TRPM3: variants seen among roughly 807,000 people sequenced by gnomAD.
TRPM3 encodes the protein long transient receptor potential channel 3.
In TRPM3, 77 loss-of-function variants were observed where a neutral mutation model predicts 181.2. That is an observed-to-expected ratio of 0.42 (90% CI 0.35 to 0.51). The LOEUF (loss-of-function observed/expected upper bound fraction) is 0.51. Ranked by LOEUF, TRPM3 falls within the 20% of genes least tolerant of loss-of-function variation. The probability of loss-of-function intolerance (pLI) is 0.01; values close to 1 mark genes in which losing one functional copy is unlikely to be tolerated. For missense variants in TRPM3, 1,759 were observed against 2,196.7 expected (o/e 0.80, Z 3.98); for synonymous variants, 745 against 796.4 (o/e 0.94, Z 1.09).
chr9:70,935,174 T>C (rs1458619797), intron 1 of TRPM3, among the ~76,000 whole-genome samples: 2 of 152,172 alleles, frequency 1.3e-5, no homozygotes, highest in Non-Finnish European at 2.9e-5. Context: ...CCCACTTCTC[T>C]GGGCAGTTGT....
rs921081940 is a variant in TRPM3, at chr9:71,197,813, C to T, written c.183+248840G>A. ...TAGGTTGCAAAAATTTTCTCCCATT[C>T]TTTAGGTTGCCTGTTCACTCTGATG... On this transcript the variant is annotated intron_variant, in intron 1 of 24. Coordinates refer to the TRPM3 transcript ENST00000357533. Among the ~76,000 whole-genome samples, 38 of 131,094 alleles carry T rather than the reference C, an allele frequency of 2.9e-4. 4 individuals are homozygous for T. The highest frequency in any genetic ancestry group is 9.9e-4 in the African/African-American group (37 of 37,486). The allele number at this position is 131,094 out of a possible 152,430, so 86.0% of individuals were successfully genotyped here.
Position 70,598,761 on chromosome 9 carries a change from A to G in TRPM3, c.2797-91T>C, listed in dbSNP as rs552676026. 5.8e-5 allele frequency: 86 copies of G among 1,484,276 alleles called. No individual in the cohort carries two copies. In the African/African-American group the frequency reaches 1.1e-3, roughly 18 times the overall value. The allele number at this position is 1,484,276 out of a possible 1,614,324, so 91.9% of individuals were successfully genotyped here. On this transcript the variant is annotated intron_variant, in intron 20 of 25. Coordinates refer to ENST00000677713, the MANE Select transcript of TRPM3 (RefSeq NM_001366145.2). The stretch of plus-strand genomic sequence containing the variant: ...AGTGCTTGGTCTGTTGGCTGATGTT[A>G]GTAGCTTGCTTTGTCTACCTATATC...
intron 1 of TRPM3, among the ~76,000 whole-genome samples, chr9:71,110,760 T>G (rs2070893904): frequency 6.6e-6 from 1 of 152,218 alleles, no homozygotes; most frequent in African/African-American, 2.4e-5. Context: ...TTCCATTTTT[T>G]GTCCGTTTGA....
At chr9:71,353,053 G>C (rs190204535) in intron 1 of TRPM3, among the ~76,000 whole-genome samples, 72 of 152,140 alleles carry the variant, frequency 4.7e-4, no homozygotes, top group Middle Eastern at 3.4e-3. Context: ...CAGCCAGATT[G>C]GCACCAGCCC....
At chr9:70,699,437 G>A (rs1200902829) in intron 8 of TRPM3, among the ~76,000 whole-genome samples, 1 of 152,148 alleles carries the variant, frequency 6.6e-6, no homozygotes, top group African/African-American at 2.4e-5. Flanking sequence ...TGTGCAAATA[G>A]TCAATTTGCT....
chr9:71,363,076 G>A (rs547665980), intron 1 of TRPM3, among the ~76,000 whole-genome samples: 25 of 152,266 alleles, frequency 1.6e-4, no homozygotes, highest in South Asian at 4.1e-4. Flanking sequence ...AATTGCATTC[G>A]TTTTACTGTC....
intron 1 of TRPM3, among the ~76,000 whole-genome samples, chr9:71,047,013 G>A (rs546112674): frequency 7.2e-5 from 11 of 152,250 alleles, no homozygotes; most frequent in South Asian, 2.1e-4. Flanking sequence ...CTAAGAACTT[G>A]ACCATTGAAA....
intron 1 of TRPM3, among the ~76,000 whole-genome samples, chr9:71,116,216 G>A (rs1367544884): frequency 6.6e-6 from 1 of 152,036 alleles, no homozygotes; most frequent in East Asian, 1.9e-4. Flanking sequence ...AGACATAATA[G>A]GTGTGCATTT....
At chr9:71,428,353 C>A (rs2093904109) in intron 1 of TRPM3, among the ~76,000 whole-genome samples, 1 of 151,702 alleles carries the variant, frequency 6.6e-6, no homozygotes, top group Admixed American at 6.6e-5. Context: ...TCCTCAGCCT[C>A]CGAAAGTTCT....
chr9:71,426,553 C>T (rs891444654), intron 1 of TRPM3, among the ~76,000 whole-genome samples: 67 of 152,036 alleles, frequency 4.4e-4, no homozygotes, highest in African/African-American at 1.3e-3. Context: ...GGGCTGGCTT[C>T]GGGGACATGA....
chr9:70,819,796 G>A (rs575629468), intron 6 of TRPM3, among the ~76,000 whole-genome samples: 1 of 152,240 alleles, frequency 6.6e-6, no homozygotes, highest in African/African-American at 2.4e-5. Flanking sequence ...CTATACCCAA[G>A]GTTGATGTTC....
Position 70,602,870 on chromosome 9 carries a change from C to G in TRPM3, c.2796+472G>C, listed in dbSNP as rs551239771. On this transcript the variant is annotated intron_variant, in intron 20 of 25. Transcript: ENST00000677713. ...TGCTGGCAGAGTGGTTGGTGCCCAG[C>G]AGGTACGAGCAGAATGTTAAGAAAT... Among the ~76,000 whole-genome samples, 83 of 152,270 alleles carry G rather than the reference C, an allele frequency of 5.5e-4. 1 individual carries two copies. The highest frequency in any genetic ancestry group is 1.9e-3 in the African/African-American group (80 of 41,538).
At chr9:70,555,753 G>A (rs781510332) in intron 22 of TRPM3, among the ~76,000 whole-genome samples, 4 of 152,092 alleles carry the variant, frequency 2.6e-5, no homozygotes, top group Admixed American at 6.6e-5. Flanking sequence ...GAAGCTTCTC[G>A]CACCTACTCT....
At position 71,323,848 on chromosome 9, in the gene TRPM3, T is replaced by C. The variant is rs562280678; in HGVS notation, c.183+122805A>G. On this transcript the variant is annotated intron_variant, in intron 1 of 24. Coordinates refer to the TRPM3 transcript ENST00000357533. ...GGAGCTCGTTACTGGATTTCTCTTCTGATCCACACAGGGTCTGGCTGTACT... is the reference window on the plus strand; with the variant it reads ...GGAGCTCGTTACTGGATTTCTCTTCCGATCCACACAGGGTCTGGCTGTACT... 3.3e-5 allele frequency among the ~76,000 whole-genome samples: 5 copies of C among 152,088 alleles called. No individual in the cohort carries two copies. In the South Asian group the frequency reaches 1.0e-3, roughly 32 times the overall value.
intron 9 of TRPM3, among the ~76,000 whole-genome samples, chr9:70,679,978 T>C (rs2065017132): frequency 1.3e-5 from 2 of 152,170 alleles, no homozygotes; most frequent in Non-Finnish European, 2.9e-5. Context: ...TATTTCTTAG[T>C]TCATTGGGAT....
chr9:70,639,125 T>C lies in TRPM3; in HGVS notation c.1516A>G (p.Ile506Val). 6.2e-7 allele frequency: 1 copy of C among 1,614,006 alleles called. No individual in the cohort carries two copies. The highest frequency in any genetic ancestry group is 8.5e-7 in the Non-Finnish European group (1 of 1,179,894). The change falls in exon 11 of 26, where the codon ATA becomes GTA. Residue 506 changes from isoleucine (I) to valine (V), a missense_variant. Physicochemically the swap from Ile to Val is conservative, Grantham distance 29 (BLOSUM62 3). Coordinates refer to ENST00000677713, the MANE Select transcript of TRPM3 (RefSeq NM_001366145.2). ...CGGTGCATGCTTACTCCATTCTCTA[T>C]GAGTAATTTCACAAAATCCACTCTG... ...LDRVDFVKLL[I>V]ENGVSMHRFL...
At chr9:70,661,655 T>C (rs190544495) in intron 9 of TRPM3, among the ~76,000 whole-genome samples, 1 of 151,838 alleles carries the variant, frequency 6.6e-6, no homozygotes, top group Admixed American at 6.6e-5. Flanking sequence ...ATGACCAAGC[T>C]GAGAATCAAA....
intron 1 of TRPM3, among the ~76,000 whole-genome samples, chr9:71,159,990 A>AGGACTTACCTCCCTAT (rs2076199846): frequency 6.6e-6 from 1 of 152,074 alleles, no homozygotes; most frequent in African/African-American, 2.4e-5. Flanking sequence ...CAGACCCTAT[A>AGGACTTACCTCCCTAT]GGACTCACCT....
At chr9:71,109,772 T>A (rs556607228) in intron 1 of TRPM3, among the ~76,000 whole-genome samples, 1 of 152,104 alleles carries the variant, frequency 6.6e-6, no homozygotes, top group South Asian at 2.1e-4. Context: ...GGGAAGGAGT[T>A]TGGAATTAGA....
Sources: allele counts gnomAD v4.1 joint callset (sites outside exome capture counted in the v4.1 genomes callset), GRCh38; gene constraint gnomAD v4.1.1; transcripts MANE v1.5; gene names NCBI Gene and HGNC (gene_info 2026-07-23, HGNC 2026-07-21).